Variants in ANO10 observed in about 807,000 individuals in gnomAD.
The protein encoded by ANO10 is anoctamin-10.
A neutral mutation model predicts 74.7 loss-of-function variants in ANO10; 77 were observed. That is an observed-to-expected ratio of 1.03 (90% CI 0.86 to 1.25). The LOEUF (loss-of-function observed/expected upper bound fraction) is 1.25. Ranked by LOEUF, ANO10 falls within the 50% of genes most tolerant of loss-of-function variation. The pLI, the probability that ANO10 is intolerant of heterozygous loss-of-function variation, is 0.00. For synonymous variants in ANO10, 279 were observed against 284.9 expected, an observed-to-expected ratio of 0.98 and a Z score of 0.21; for missense variants, 721 against 778.1, an observed-to-expected ratio of 0.93 and a Z score of 0.87.
At chr3:43,373,449 C>T (rs2091689553) in intron 12 of ANO10, among the ~76,000 whole-genome samples, 1 of 151,352 alleles carries the variant, frequency 6.6e-6, no homozygotes, top group South Asian at 2.1e-4. Context: ...TGACACAGGC[C>T]ATTAACTGCA....
intron 10 of ANO10, among the ~76,000 whole-genome samples, chr3:43,554,622 A>G (rs1247431824): frequency 6.6e-6 from 1 of 152,156 alleles, no homozygotes; most frequent in Non-Finnish European, 1.5e-5. Flanking sequence ...ATAACGCCTT[A>G]TTACTACCAG....
rs954223579 is a variant in ANO10, at chr3:43,690,930, G to T, written c.-12+587C>A. 5.9e-6 allele frequency: 9 copies of T among 1,521,460 alleles called. No homozygotes were observed. In the African/African-American group the frequency reaches 1.1e-4, roughly 19 times the overall value. 94.2% of individuals were successfully genotyped at this position (1,521,460 alleles called of 1,614,324 possible). ...CGCCTTAAGTGCCGCGCCAGCCCGG[G>T]GCGGCCCAGTCGGCCTGTCAGCCGG... On this transcript the variant is annotated intron_variant, in intron 1 of 3. Coordinates refer to the ANO10 transcript ENST00000413397.
chr3:43,631,107 C>T (rs981536618), intron 1 of ANO10, among the ~76,000 whole-genome samples: 2 of 152,240 alleles, frequency 1.3e-5, no homozygotes, highest in African/African-American at 2.4e-5. Context: ...GCTGTCAGTG[C>T]GGTCTTCTCT....
At position 43,432,944 on chromosome 3, in the gene ANO10, C is replaced by CTTTTTTTTTTTTTT. The variant is rs5848663; in HGVS notation, c.1798-231_1798-218dup. On this transcript the variant is annotated intron_variant, in intron 11 of 12. Transcript: ENST00000292246. ...CAGTAATTACTGACTTTGCTTAATT[C>CTTTTTTTTTTTTTT]TTTTTTTTTTTTTTTTTTTTTTTTT... Among the ~76,000 whole-genome samples, 292 of 55,276 alleles carry CTTTTTTTTTTTTTT rather than the reference C, an allele frequency of 5.3e-3. 56 individuals carry two copies. The highest frequency in any genetic ancestry group is 6.9e-3 in the Non-Finnish European group (208 of 30,050). 36.3% of individuals were successfully genotyped at this position (55,276 alleles called of 152,430 possible). A position where few individuals can be genotyped will look rare whatever the true frequency, so the allele number is the denominator to read the frequency against.
At position 43,631,781 on chromosome 3, in the gene ANO10, GA is replaced by G. The variant is rs58386853; in HGVS notation, c.-11-25919del. Among the ~76,000 whole-genome samples, 39 of 149,666 alleles carry G rather than the reference GA, an allele frequency of 2.6e-4. 1 individual carries two copies. Among genetic ancestry groups the G allele is most frequent in the African/African-American group, 4.9e-5 (2 of 40,824 alleles). ...AAAAAAAAAAAAAGAAGAAAGAAAA[GA>G]AAAAAAAAGAAAGTTACAGGCTGGG... On this transcript the variant is annotated intron_variant, in intron 1 of 3. Coordinates refer to the ANO10 transcript ENST00000413397.
intron 11 of ANO10, among the ~76,000 whole-genome samples, chr3:43,458,365 G>GT (rs892576976): frequency 1.3e-5 from 2 of 152,106 alleles, no homozygotes; most frequent in Admixed American, 1.3e-4. Context: ...CAGGATACCT[G>GT]TTTTTTCCTT....
chr3:43,476,702 T>C (rs1041223194), intron 11 of ANO10, among the ~76,000 whole-genome samples: 1 of 152,194 alleles, frequency 6.6e-6, no homozygotes, highest in Non-Finnish European at 1.5e-5. Context: ...CAAGAAATCT[T>C]GAGTTAGATC....
At chr3:43,523,437 C>T (rs1279468352) in intron 11 of ANO10, among the ~76,000 whole-genome samples, 1 of 152,142 alleles carries the variant, frequency 6.6e-6, no homozygotes, top group Non-Finnish European at 1.5e-5. Context: ...ATTTTAGCAG[C>T]AGAATGGATT....
chr3:43,614,084 A>AT (rs776435185), intron 1 of ANO10, among the ~76,000 whole-genome samples: 1 of 152,194 alleles, frequency 6.6e-6, no homozygotes, highest in South Asian at 2.1e-4. Flanking sequence ...GTTGGAAAGA[A>AT]TGTCTAGTTT....
intron 11 of ANO10, among the ~76,000 whole-genome samples, chr3:43,482,700 T>C (rs1302420583): frequency 2.0e-5 from 3 of 152,224 alleles, no homozygotes; most frequent in Non-Finnish European, 2.9e-5. Flanking sequence ...CAAAAAGGCC[T>C]TGGCCAATAG....
In ANO10 at chr3:43,386,640, GGTGTGTACGTGTGTGT is replaced by G. The variant is rs1399275160; in HGVS notation, c.1915-19682_1915-19667del. ...ACGGGCTTTTTGAAAGTTGTGTGTA[GGTGTGTACGTGTGTGT>G]GTGTGTGTGTGTGTGTGTGTGTGTG... On this transcript the variant is annotated intron_variant, in intron 12 of 12. Coordinates refer to ENST00000292246, the MANE Select transcript of ANO10 (RefSeq NM_018075.5). 7.5e-5 allele frequency among the ~76,000 whole-genome samples: 10 copies of G among 132,524 alleles called. No homozygotes were observed. In the East Asian group the frequency reaches 2.2e-3, roughly 29 times the overall value. 86.9% of individuals were successfully genotyped at this position (132,524 alleles called of 152,430 possible).
chr3:43,485,317 G>A (rs368519893), intron 11 of ANO10: 16 of 545,292 alleles, frequency 2.9e-5, no homozygotes, highest in African/African-American at 1.5e-4. Flanking sequence ...CCATACCTCC[G>A]GATCCGACAG....
intron 1 of ANO10, among the ~76,000 whole-genome samples, chr3:43,629,350 A>C (rs1009649643): frequency 6.6e-6 from 1 of 152,208 alleles, no homozygotes; most frequent in Non-Finnish European, 1.5e-5. Flanking sequence ...ATTTTATTAC[A>C]TGCCTTTTCA....
intron 1 of ANO10, among the ~76,000 whole-genome samples, chr3:43,612,149 TA>T (rs1351850961): frequency 1.2e-5 from 1 of 81,928 alleles, no homozygotes; most frequent in Non-Finnish European, 2.2e-5. Context: ...TTTATATATA[TA>T]TATATATATA....
intron 11 of ANO10, among the ~76,000 whole-genome samples, chr3:43,467,349 T>A (rs2075671579): frequency 2.0e-5 from 3 of 152,232 alleles, no homozygotes; most frequent in Non-Finnish European, 4.4e-5. Flanking sequence ...AACCCAAATG[T>A]TCATTAATGG....
chr3:43,581,431 T>C (rs565823984), intron 4 of ANO10, among the ~76,000 whole-genome samples: 6 of 152,306 alleles, frequency 3.9e-5, no homozygotes, highest in African/African-American at 1.2e-4. Context: ...AAATGAAAAT[T>C]TGGAATTCTG....
At chr3:43,508,945 A>T (rs1257954733) in intron 11 of ANO10, among the ~76,000 whole-genome samples, 1 of 22,454 alleles carries the variant, frequency 4.5e-5, no homozygotes, top group Non-Finnish European at 1.4e-4. Context: ...AAGTATAATA[A>T]AAAAAAAAAA....
chr3:43,473,996 C>G (rs2075966941), intron 11 of ANO10, among the ~76,000 whole-genome samples: 1 of 152,128 alleles, frequency 6.6e-6, no homozygotes, highest in Non-Finnish European at 1.5e-5. Flanking sequence ...TTCCTCCCAG[C>G]CAGCATGTGT....
intron 11 of ANO10, among the ~76,000 whole-genome samples, chr3:43,513,896 T>C (rs1175747576): frequency 6.6e-6 from 1 of 151,456 alleles, no homozygotes; most frequent in African/African-American, 2.4e-5. Flanking sequence ...TACGTATTAT[T>C]TGCTATTTTT....
Sources: allele counts gnomAD v4.1 joint callset (sites outside exome capture counted in the v4.1 genomes callset), GRCh38; gene constraint gnomAD v4.1.1; transcripts MANE v1.5; gene names NCBI Gene and HGNC (gene_info 2026-07-23, HGNC 2026-07-21).